The following CNTNAP2 variants were observed in gnomAD, a reference collection of about 807,000 sequenced individuals.
The protein encoded by CNTNAP2 is contactin associated protein 2.
Under a neutral mutation model 155.2 loss-of-function variants are expected in CNTNAP2, and 98 were observed. The observed-to-expected ratio is 0.63, with a 90% CI of 0.54 to 0.75. The LOEUF (loss-of-function observed/expected upper bound fraction) is 0.75, where lower values mean the gene tolerates loss of function less well. Among genes scored for constraint, CNTNAP2 ranks in the 30% least tolerant of loss-of-function variants. The pLI is 0.00. For synonymous variants in CNTNAP2, 651 were observed against 631.2 expected, an observed-to-expected ratio of 1.03 and a Z score of -0.47; for missense variants, 1,727 against 1,688.1, an observed-to-expected ratio of 1.02 and a Z score of -0.40.
At chr7:146,889,395 T>C (rs1795734183) in intron 3 of CNTNAP2, among the ~76,000 whole-genome samples, 1 of 152,086 alleles carries the variant, frequency 6.6e-6, no homozygotes, top group Non-Finnish European at 1.5e-5. Flanking sequence ...ACTCTACTGT[T>C]TATTAAATTT....
intron 4 of CNTNAP2, among the ~76,000 whole-genome samples, chr7:147,093,929 G>A (rs1335229734): frequency 6.6e-6 from 1 of 152,122 alleles, no homozygotes; most frequent in Non-Finnish European, 1.5e-5. Flanking sequence ...AAGGTAACAG[G>A]TCCCAATTTA....
intron 13 of CNTNAP2, among the ~76,000 whole-genome samples, chr7:147,754,074 T>TA (rs1016520346): frequency 3.4e-4 from 51 of 151,642 alleles, no homozygotes; most frequent in Admixed American, 1.1e-3. Flanking sequence ...TGGTGTCATC[T>TA]AAAAAAAATA....
chr7:146,800,934 T>C (rs112874826), intron 2 of CNTNAP2, among the ~76,000 whole-genome samples: 1,948 of 152,148 alleles, frequency 0.013, 38 homozygotes, highest in African/African-American at 0.041. Flanking sequence ...TACAGATGCA[T>C]TGAAGGAAAC....
At chr7:148,051,102 T>C (rs1291256301) in intron 15 of CNTNAP2, among the ~76,000 whole-genome samples, 1 of 152,218 alleles carries the variant, frequency 6.6e-6, no homozygotes, top group Non-Finnish European at 1.5e-5. Flanking sequence ...CAGTGTAGCT[T>C]GTTTTGAGTT....
At chr7:147,957,624 A>G (rs1307455219) in intron 14 of CNTNAP2, among the ~76,000 whole-genome samples, 1 of 152,172 alleles carries the variant, frequency 6.6e-6, no homozygotes, top group Non-Finnish European at 1.5e-5. Flanking sequence ...TGCAATGATT[A>G]TGTATTCAGT....
chr7:146,631,406 CT>C (rs1259105914), intron 1 of CNTNAP2, among the ~76,000 whole-genome samples: 1 of 152,062 alleles, frequency 6.6e-6, no homozygotes, highest in Non-Finnish European at 1.5e-5. Context: ...GTCTGGGCAC[CT>C]GTTATTATGG....
intron 1 of CNTNAP2, among the ~76,000 whole-genome samples, chr7:146,178,267 T>G (rs917847517): frequency 5.5e-4 from 84 of 152,274 alleles, no homozygotes; most frequent in African/African-American, 2.0e-3. Context: ...TCTACCGACC[T>G]CGTGATCCGC....
At chr7:147,703,166 T>A (rs1796261911) in intron 13 of CNTNAP2, among the ~76,000 whole-genome samples, 1 of 151,938 alleles carries the variant, frequency 6.6e-6, no homozygotes, top group Non-Finnish European at 1.5e-5. Flanking sequence ...ATTACCAACC[T>A]CCCCTTCCCA....
At chr7:146,990,756 G>T (rs1190718367) in intron 3 of CNTNAP2, among the ~76,000 whole-genome samples, 1 of 152,062 alleles carries the variant, frequency 6.6e-6, no homozygotes, top group Admixed American at 6.6e-5. Flanking sequence ...TGGTCTGTGT[G>T]TATGTTGCTG....
At position 147,044,176 on chromosome 7, in the gene CNTNAP2, A is replaced by G. The variant is rs1196494535; in HGVS notation, c.550+122A>G. On this transcript the variant is annotated intron_variant, in intron 4 of 23. Coordinates refer to ENST00000361727, the MANE Select transcript of CNTNAP2 (RefSeq NM_014141.6). Reference sequence around the variant, plus strand: ...GACAATAAACTACCTTCTCATTTACATATATATGTATCTATGCATAGATAC... The same window carrying G: ...GACAATAAACTACCTTCTCATTTACGTATATATGTATCTATGCATAGATAC... The G allele has an allele frequency of 6.3e-5, 66 of 1,044,900 alleles. 1 individual carries two copies. Among genetic ancestry groups the G allele is most frequent in the South Asian group, 5.2e-4 (38 of 73,750 alleles). 64.7% of individuals were successfully genotyped at this position (1,044,900 alleles called of 1,614,324 possible).
chr7:148,115,762 TACAATA>T (rs1804455036), intron 15 of CNTNAP2, among the ~76,000 whole-genome samples: 1 of 152,114 alleles, frequency 6.6e-6, no homozygotes, highest in South Asian at 2.1e-4. Context: ...CACTACATCA[TACAATA>T]TTCTCCTCCC....
chr7:148,160,536 G>C (rs966774905), intron 17 of CNTNAP2, among the ~76,000 whole-genome samples: 1 of 151,774 alleles, frequency 6.6e-6, no homozygotes, highest in Admixed American at 6.6e-5. Flanking sequence ...TTGTTTAAAT[G>C]TTCCTCTTAG....
chr7:146,820,066 A>G (rs1803247613), intron 2 of CNTNAP2, among the ~76,000 whole-genome samples: 1 of 152,208 alleles, frequency 6.6e-6, no homozygotes, highest in Non-Finnish European at 1.5e-5. Context: ...AAGATGCTAA[A>G]TAGATATTTC....
In CNTNAP2 at chr7:147,316,545, G is replaced by T. The variant is rs1584868023; in HGVS notation, c.1498+16255G>T. Among the ~76,000 whole-genome samples the T allele has an allele frequency of 5.9e-5, 9 of 152,110 alleles. No homozygotes were observed. The South Asian group carries it at 1.9e-3, about 31-fold the overall frequency. On this transcript the variant is annotated intron_variant, in intron 9 of 23. Transcript: ENST00000361727. Reference sequence around the variant, plus strand: ...AAAGGAGTGTTAAGATTTTATTTATGTGGAGATGATACAATAAGGTTAGCC... The same window carrying T: ...AAAGGAGTGTTAAGATTTTATTTATTTGGAGATGATACAATAAGGTTAGCC...
At chr7:146,733,118 TAA>T (rs1801554322) in intron 1 of CNTNAP2, among the ~76,000 whole-genome samples, 1 of 152,100 alleles carries the variant, frequency 6.6e-6, no homozygotes, top group African/African-American at 2.4e-5. Flanking sequence ...CTATGCTGGC[TAA>T]AAAGTCTCTG....
intron 1 of CNTNAP2, among the ~76,000 whole-genome samples, chr7:146,444,025 GTTAT>G (rs1478614718): frequency 6.6e-6 from 1 of 152,006 alleles, no homozygotes; most frequent in Admixed American, 6.6e-5. Flanking sequence ...TATTTATCAT[GTTAT>G]TTATTTATTT....
At chr7:147,727,648 GT>G (rs1796665965) in intron 13 of CNTNAP2, among the ~76,000 whole-genome samples, 1 of 151,800 alleles carries the variant, frequency 6.6e-6, no homozygotes, top group South Asian at 2.1e-4. Context: ...TATTTTACAG[GT>G]GAGGAAGCAG....
chr7:146,820,039 CA>C (rs796164813), intron 2 of CNTNAP2, among the ~76,000 whole-genome samples: 5 of 152,306 alleles, frequency 3.3e-5, no homozygotes, highest in African/African-American at 1.2e-4. Context: ...ACAATGTTTA[CA>C]TTGTAATTTG....
intron 1 of CNTNAP2, among the ~76,000 whole-genome samples, chr7:146,292,483 T>C (rs900341227): frequency 3.9e-5 from 6 of 152,012 alleles, no homozygotes; most frequent in African/African-American, 1.4e-4. Context: ...AGAGAACAAG[T>C]GTTGGTGAGA....
Sources: gnomAD v4.1 joint callset for allele counts (sites outside exome capture counted in the v4.1 genomes callset) on GRCh38, gnomAD v4.1.1 for gene constraint, MANE v1.5 for transcripts, NCBI Gene and HGNC (gene_info 2026-07-23, HGNC 2026-07-21) for gene names.